The following PTPRG variants were observed in gnomAD, a reference collection of about 807,000 sequenced individuals.
PTPRG encodes the protein protein tyrosine phosphatase receptor type G.
In PTPRG, 102 loss-of-function variants were observed where a neutral mutation model predicts 165.3. That is an observed-to-expected ratio of 0.62 (90% confidence interval 0.53 to 0.73). The LOEUF (loss-of-function observed/expected upper bound fraction) is 0.73. PTPRG is among the 30% of genes least tolerant of loss of function. The probability of loss-of-function intolerance (pLI) is 0.00; values close to 1 mark genes in which losing one functional copy is unlikely to be tolerated. For missense variants in PTPRG, 1,866 were observed against 1,861.4 expected (o/e 1.00, Z -0.05); for synonymous variants, 675 against 669.5 (o/e 1.01, Z -0.13).
At chr3:61,621,444 G>A (rs1701455186) in intron 1 of PTPRG, among the ~76,000 whole-genome samples, 2 of 152,194 alleles carry the variant, frequency 1.3e-5, no homozygotes, top group Non-Finnish European at 2.9e-5. Context: ...GGTGTGGGGT[G>A]TAGGCATGAA....
At chr3:61,963,022 C>T (rs2040189656) in intron 2 of PTPRG, among the ~76,000 whole-genome samples, 1 of 152,120 alleles carries the variant, frequency 6.6e-6, no homozygotes, top group South Asian at 2.1e-4. Flanking sequence ...ATTCCGTCCC[C>T]ACCCTATCCT....
At chr3:61,605,138 G>C (rs1201843831) in intron 1 of PTPRG, among the ~76,000 whole-genome samples, 1 of 152,184 alleles carries the variant, frequency 6.6e-6, no homozygotes, top group Non-Finnish European at 1.5e-5. Flanking sequence ...ATTTAGTCAC[G>C]CGTCTGTTTA....
intron 2 of PTPRG, among the ~76,000 whole-genome samples, chr3:61,973,758 G>A (rs1010506065): frequency 9.2e-5 from 14 of 152,012 alleles, no homozygotes; most frequent in Admixed American, 4.6e-4. Flanking sequence ...GCTTGAACCC[G>A]GGAGGTGGAG....
At chr3:61,818,940 A>T (rs996195042) in intron 2 of PTPRG, among the ~76,000 whole-genome samples, 49 of 152,092 alleles carry the variant, frequency 3.2e-4, no homozygotes, top group Admixed American at 1.3e-4. Flanking sequence ...TTAAAGGGCC[A>T]CTATGTTCCT....
At chr3:61,749,048 G>A (rs2033328715) in intron 2 of PTPRG, 66 bp downstream of exon 2, 1 of 1,284,364 alleles carries the variant, frequency 7.8e-7, no homozygotes, top group Admixed American at 1.8e-5. Context: ...TCACTTGAAA[G>A]CACACTTTGA....
At chr3:61,632,958 T>G (rs191335879) in intron 1 of PTPRG, among the ~76,000 whole-genome samples, 1 of 152,238 alleles carries the variant, frequency 6.6e-6, no homozygotes, top group African/African-American at 2.4e-5. Flanking sequence ...TTCCAGAATT[T>G]ATGAAACTTT....
At chr3:62,137,653 C>T (rs1703761777) in intron 6 of PTPRG, among the ~76,000 whole-genome samples, 3 of 152,176 alleles carry the variant, frequency 2.0e-5, no homozygotes, top group Admixed American at 6.5e-5. Flanking sequence ...CAGAGACCAC[C>T]GTGATCTTTT....
intron 1 of PTPRG, among the ~76,000 whole-genome samples, chr3:61,563,781 G>T (rs930011664): frequency 6.7e-6 from 1 of 149,936 alleles, no homozygotes; most frequent in East Asian, 2.0e-4. Context: ...ACCCGGAGCA[G>T]GGCGCGCGGG....
chr3:61,623,911 A>C (rs1208377404), intron 1 of PTPRG, among the ~76,000 whole-genome samples: 3 of 152,172 alleles, frequency 2.0e-5, no homozygotes, highest in African/African-American at 7.2e-5. Flanking sequence ...CCAAGCACCA[A>C]ATACAGCCGC....
At chr3:62,171,704 AT>A (rs901409396) in intron 8 of PTPRG, among the ~76,000 whole-genome samples, 60 of 149,806 alleles carry the variant, frequency 4.0e-4, no homozygotes, top group African/African-American at 1.2e-3. Context: ...TAGTGTCCCT[AT>A]TTTTTTTTAA....
At position 62,276,999 on chromosome 3, in the gene PTPRG, C is replaced by CATT; in HGVS notation, c.3588_3590dup (p.Leu1197dup). The CATT allele has an allele frequency of 6.2e-7, 1 of 1,613,072 alleles. No individual in the cohort carries two copies. Among genetic ancestry groups the CATT allele is most frequent in the Non-Finnish European group, 8.5e-7 (1 of 1,179,346 alleles). ...GAGCGTGCTCGAGTGGGTCTTGCAC[C>CATT]ATTGCCTGGAATGAAAGGAACAGAT... On this transcript the variant is annotated inframe_insertion, in exon 25 of 30. Coordinates refer to ENST00000474889, the MANE Select transcript of PTPRG (RefSeq NM_002841.4).
chr3:61,714,842 A>G (rs2031734975), intron 1 of PTPRG, among the ~76,000 whole-genome samples: 1 of 152,228 alleles, frequency 6.6e-6, no homozygotes, highest in South Asian at 2.1e-4. Flanking sequence ...TACAAGAAGT[A>G]TCTTGTTTTA....
chr3:62,095,788 C>T (rs1441021648), intron 5 of PTPRG, among the ~76,000 whole-genome samples: 1 of 152,084 alleles, frequency 6.6e-6, no homozygotes, highest in Non-Finnish European at 1.5e-5. Flanking sequence ...TGGGAGAAGA[C>T]AGGATTCAGC....
rs558530531 is a variant in PTPRG at position 62,222,487 on chromosome 3, C to G, written c.2288+3504C>G. 6.6e-6 allele frequency among the ~76,000 whole-genome samples: 1 copy of G among 152,338 alleles called. No individual in the cohort carries two copies. Among genetic ancestry groups the G allele is most frequent in the East Asian group, 1.9e-4 (1 of 5,176 alleles). ...CCACTTAAGTCCCAACATGGCATCT[C>G]TTATTACTGACTTCTGTCATTTGTC... On this transcript the variant is annotated intron_variant, in intron 13 of 29. Coordinates refer to ENST00000474889, the MANE Select transcript of PTPRG (RefSeq NM_002841.4). This position sits in a 1 kb window ranked among gnomAD's most constrained non-coding sequence, Gnocchi z 4.5.
intron 12 of PTPRG, among the ~76,000 whole-genome samples, chr3:62,209,649 C>T (rs545889063): frequency 2.4e-4 from 36 of 152,258 alleles, no homozygotes; most frequent in Admixed American, 1.6e-3. Context: ...TTCTGCCCAC[C>T]CCCGTCCTGG....
At chr3:61,896,291 C>T (rs536948696) in intron 2 of PTPRG, among the ~76,000 whole-genome samples, 2 of 152,276 alleles carry the variant, frequency 1.3e-5, no homozygotes, top group East Asian at 3.9e-4. Flanking sequence ...AAAAATGTTA[C>T]ATAAGTGGAA....
At chr3:62,292,384 T>C in intron 28 of PTPRG, 37 bp from the exon 29 acceptor site, 2 of 1,595,448 alleles carry the variant, frequency 1.3e-6, no homozygotes, top group Admixed American at 1.8e-5. Context: ...GGTCCCTTTG[T>C]ACATCTGAAA....
At chr3:62,114,304 AAAAC>A (rs1238122502) in intron 5 of PTPRG, among the ~76,000 whole-genome samples, 5 of 152,236 alleles carry the variant, frequency 3.3e-5, no homozygotes, top group African/African-American at 4.8e-5. Flanking sequence ...GTCTCAAACA[AAAAC>A]AAACAAACAA....
chr3:62,034,898 T>C (rs972970458), intron 4 of PTPRG, among the ~76,000 whole-genome samples: 1 of 152,216 alleles, frequency 6.6e-6, no homozygotes, highest in Non-Finnish European at 1.5e-5. Context: ...TCTATTACTT[T>C]TAAATTAACT....
Sources: allele counts gnomAD v4.1 joint callset (sites outside exome capture counted in the v4.1 genomes callset), GRCh38; gene constraint gnomAD v4.1.1; non-coding constraint Gnocchi (gnomAD v3.1); transcripts MANE v1.5; gene names NCBI Gene and HGNC (gene_info 2026-07-23, HGNC 2026-07-21).